The following EFR3B variants were observed in gnomAD, a reference collection of about 807,000 sequenced individuals.
EFR3B encodes EFR3 homolog B, also known as protein EFR3 homolog B.
EFR3B carries 64 observed loss-of-function variants against 104.7 expected under a neutral mutation model. The ratio of observed to expected loss-of-function variants is 0.61; its 90% CI spans 0.50 to 0.75. EFR3B has a LOEUF of 0.75. EFR3B is among the 30% of genes least tolerant of loss of function. EFR3B has a pLI of 0.00. For synonymous variants in EFR3B, 385 were observed against 417.9 expected, an observed-to-expected ratio of 0.92 and a Z score of 0.96; for missense variants, 750 against 1,078.5, an observed-to-expected ratio of 0.70 and a Z score of 4.27.
intron 20 of EFR3B, 75 bp from the exon 21 acceptor site, chr2:25,151,839 A>G: frequency 1.3e-6 from 2 of 1,484,856 alleles, no homozygotes; most frequent in Non-Finnish European, 1.8e-6. Context: ...GCTCATGGAC[A>G]GTGCTCCCTG....
At chr2:25,116,064 G>C (rs1488618030) in intron 4 of EFR3B, 2 of 152,190 alleles carry the variant, frequency 1.3e-5, no homozygotes, top group Non-Finnish European at 2.9e-5. Flanking sequence ...AGTGAGTGGA[G>C]TCCCAGGCAT....
At position 25,139,163 on chromosome 2, in the gene EFR3B, G is replaced by A; in HGVS notation, c.1827G>A (p.Val609=). 6.4e-7 allele frequency: 1 copy of A among 1,551,580 alleles called. No individual in the cohort carries two copies. Among genetic ancestry groups the A allele is most frequent in the Non-Finnish European group, 8.7e-7 (1 of 1,146,972 alleles). ...YLNLISQLTT[V]PAFCQHIHEV... ...ACCTCATCAGTCAGCTCACAACAGT[G>A]CCTGCCTTCTGCCAGCACATCCATG... The change falls in exon 16 of 23, where the codon GTG becomes GTA. Residue 609 remains valine (V), a synonymous_variant. Coordinates refer to ENST00000403714, the MANE Select transcript of EFR3B (RefSeq NM_014971.2).
rs150538211 is a variant in EFR3B at position 25,084,319 on chromosome 2, C to T, written c.8-7006C>T. On this transcript the variant is annotated intron_variant, in intron 1 of 22. Transcript: ENST00000403714. ...TGGTGCGATCTCGGCTCACTGCAAC[C>T]TCTGCCTCCCAGATTCAAGCGATTC... Among the ~76,000 whole-genome samples the T allele has an allele frequency of 3.2e-3, 485 of 152,158 alleles. 2 individuals are homozygous for T. The highest frequency in any genetic ancestry group is 0.011 in the African/African-American group (454 of 41,490).
chr2:25,128,058 C>T, intron 5 of EFR3B, 125 bp from the exon 6 acceptor site: 2 of 1,105,700 alleles, frequency 1.8e-6, no homozygotes, highest in Non-Finnish European at 2.6e-6. Flanking sequence ...CAGCTGGTCT[C>T]CATTCTGCCT....
chr2:25,128,749 G>T (rs967981598), intron 6 of EFR3B, among the ~76,000 whole-genome samples: 15 of 151,820 alleles, frequency 9.9e-5, no homozygotes, highest in Admixed American at 4.6e-4. Flanking sequence ...ACGAGGTCAG[G>T]AGATCGAGAC....
Position 25,103,696 on chromosome 2 carries a change from G to T in EFR3B, c.272G>T (p.Ser91Ile). The change falls in exon 4 of 23, where the codon AGC becomes ATC. Residue 91 changes from serine to isoleucine, a missense_variant. Ser to Ile is a moderately radical substitution (Grantham distance 142, BLOSUM62 -2). Coordinates refer to ENST00000403714, the MANE Select transcript of EFR3B (RefSeq NM_014971.2). ...DQLLMACHCQ[S>I]INLFVESFLK... ...CTGCTCATGGCCTGCCACTGCCAGA[G>T]CATCAACCTCTTCGTGGAGAGCTTC... 6.4e-7 allele frequency: 1 copy of T among 1,551,694 alleles called. No individual in the cohort carries two copies. The highest frequency in any genetic ancestry group is 8.7e-7 in the Non-Finnish European group (1 of 1,146,974).
At chr2:25,056,680 C>G (rs1347991405) in intron 1 of EFR3B, among the ~76,000 whole-genome samples, 1 of 151,936 alleles carries the variant, frequency 6.6e-6, no homozygotes, top group African/African-American at 2.4e-5. Context: ...CTGCCTGATC[C>G]TACAGGCAGG....
intron 1 of EFR3B, chr2:25,080,758 C>T (rs1277218872): frequency 2.3e-6 from 3 of 1,284,474 alleles, no homozygotes; most frequent in Admixed American, 3.6e-5. Context: ...TTTCTTTTGG[C>T]GTTAGGCTGA....
intron 1 of EFR3B, among the ~76,000 whole-genome samples, chr2:25,089,692 C>A (rs373872641): frequency 6.6e-6 from 1 of 152,130 alleles, no homozygotes; most frequent in Admixed American, 6.5e-5. Context: ...GGATGCCAAC[C>A]AGAACCCCAA....
chr2:25,135,710 G>C (rs915975759), intron 13 of EFR3B, 71 bp downstream of exon 13: 1 of 1,515,222 alleles, frequency 6.6e-7, no homozygotes, highest in East Asian at 2.5e-5. Context: ...CTATCCTTTG[G>C]TCCTGTCCTC....
At chr2:25,135,377 G>T in intron 12 of EFR3B, 90 bp from the exon 13 acceptor site, 1 of 1,454,980 alleles carries the variant, frequency 6.9e-7, no homozygotes. Context: ...GTGTACATCA[G>T]ACCTGACTTC....
At chr2:25,074,216 A>G (rs1254881410) in intron 1 of EFR3B, among the ~76,000 whole-genome samples, 1 of 152,154 alleles carries the variant, frequency 6.6e-6, no homozygotes, top group Non-Finnish European at 1.5e-5. Flanking sequence ...TTGTGCCTCC[A>G]TGGCCCATCA....
rs1476654232 is a variant in EFR3B at position 25,142,895 on chromosome 2, G to C, written c.1923-840G>C. Among the ~76,000 whole-genome samples the C allele has an allele frequency of 2.3e-4, 34 of 144,810 alleles. No individual in the cohort carries two copies. The Admixed American group carries it at 2.4e-3, about 10-fold the overall frequency. ...TGTAGTGTGCTATGATGGTGCCTGT[G>C]AATAGCCACTGCACTCCAGCCTGGG... On this transcript the variant is annotated intron_variant, in intron 17 of 22. Transcript: ENST00000403714.
chr2:25,071,167 A>C (rs887263264), intron 1 of EFR3B, among the ~76,000 whole-genome samples: 9 of 151,542 alleles, frequency 5.9e-5, no homozygotes, highest in Middle Eastern at 3.4e-3. Context: ...TCACTGTGTT[A>C]GCCAGGATGG....
At chr2:25,069,227 A>C (rs1668424146) in intron 1 of EFR3B, among the ~76,000 whole-genome samples, 1 of 152,112 alleles carries the variant, frequency 6.6e-6, no homozygotes, top group South Asian at 2.1e-4. Flanking sequence ...GTCACTTTCT[A>C]AGTAAGCAAA....
chr2:25,048,494 A>G (rs1667780841), intron 1 of EFR3B, among the ~76,000 whole-genome samples: 1 of 152,210 alleles, frequency 6.6e-6, no homozygotes. Context: ...CTGGAGAAGT[A>G]CTTGGTACTC....
In EFR3B at chr2:25,117,402, C is replaced by T. The variant is rs540888483; in HGVS notation, c.364-4271C>T. 6.1e-5 allele frequency among the ~76,000 whole-genome samples: 9 copies of T among 147,676 alleles called. No homozygotes were observed. In the East Asian group the frequency reaches 1.8e-3, roughly 30 times the overall value. ...CCACCTCCAGCCCCACCCTACCTGT[C>T]CCCCACCCTCTTTTTTTTTTTTTTT... On this transcript the variant is annotated intron_variant, in intron 4 of 22. Coordinates refer to ENST00000403714, the MANE Select transcript of EFR3B (RefSeq NM_014971.2).
intron 4 of EFR3B, among the ~76,000 whole-genome samples, chr2:25,111,359 A>G (rs896162009): frequency 1.3e-5 from 2 of 150,646 alleles, no homozygotes; most frequent in African/African-American, 4.9e-5. Context: ...CCCTGGGATC[A>G]CGCCCATTTC....
chr2:25,140,054 T>TACA (rs1265714904), intron 16 of EFR3B, among the ~76,000 whole-genome samples: 4 of 152,356 alleles, frequency 2.6e-5, no homozygotes, highest in African/African-American at 9.6e-5. Flanking sequence ...GGCTCAAGCC[T>TACA]GTAATCCCAG....
Sources: allele counts gnomAD v4.1 joint callset (sites outside exome capture counted in the v4.1 genomes callset), GRCh38; gene constraint gnomAD v4.1.1; transcripts MANE v1.5; gene names NCBI Gene and HGNC (gene_info 2026-07-23, HGNC 2026-07-21).